Variants in MYO3A observed in about 807,000 individuals in gnomAD.
MYO3A encodes myosin IIIA.
Under a neutral mutation model 192.7 loss-of-function variants are expected in MYO3A, and 180 were observed. The ratio of observed to expected loss-of-function variants is 0.93; its 90% CI spans 0.83 to 1.06. MYO3A has a LOEUF of 1.06. Among genes scored for constraint, MYO3A ranks in the 50% least tolerant of loss-of-function variants. The pLI, the probability that MYO3A is intolerant of heterozygous loss-of-function variation, is 0.00. For synonymous variants in MYO3A, 628 were observed against 645.3 expected (o/e 0.97, Z 0.41); for missense variants, 1,896 against 1,905.0 (o/e 1.00, Z 0.09).
intron 20 of MYO3A, among the ~76,000 whole-genome samples, chr10:26,132,423 G>T (rs927710243): frequency 6.6e-6 from 1 of 152,166 alleles, no homozygotes; most frequent in African/African-American, 2.4e-5. Context: ...CTCCCTAGAA[G>T]TTTATACTTC....
intron 4 of MYO3A, among the ~76,000 whole-genome samples, chr10:25,982,791 C>T (rs1478647691): frequency 6.6e-6 from 1 of 152,156 alleles, no homozygotes; most frequent in Admixed American, 6.5e-5. Context: ...AAAATCTGAA[C>T]AGCAGCCCCT....
At chr10:26,046,281 G>A (rs777091527) in intron 10 of MYO3A, among the ~76,000 whole-genome samples, 21 of 152,162 alleles carry the variant, frequency 1.4e-4, no homozygotes, top group Non-Finnish European at 2.4e-4. Flanking sequence ...GAATTGAAAT[G>A]GGTTGGAGGA....
intron 14 of MYO3A, among the ~76,000 whole-genome samples, chr10:26,074,923 TATAAG>T (rs1021275942): frequency 3.9e-5 from 6 of 152,102 alleles, no homozygotes; most frequent in Non-Finnish European, 5.9e-5. Flanking sequence ...TTGTGTATGG[TATAAG>T]ATAAGGATCA....
chr10:25,982,208 AC>A (rs1435318916), intron 4 of MYO3A, among the ~76,000 whole-genome samples: 1 of 152,064 alleles, frequency 6.6e-6, no homozygotes, highest in African/African-American at 2.4e-5. Flanking sequence ...ACTGGGAACT[AC>A]ACCGTCATGC....
intron 5 of MYO3A, among the ~76,000 whole-genome samples, 166 bp downstream of exon 5, chr10:25,996,760 A>C (rs1840466172): frequency 6.6e-6 from 1 of 152,200 alleles, no homozygotes; most frequent in African/African-American, 2.4e-5. Context: ...CTTTTTTTCC[A>C]CTACAAATTT....
chr10:26,064,729 A>G (rs549104910), intron 10 of MYO3A, among the ~76,000 whole-genome samples: 4 of 152,220 alleles, frequency 2.6e-5, no homozygotes, highest in African/African-American at 7.2e-5. Flanking sequence ...TGGAATTTGT[A>G]TACAGATTGC....
intron 28 of MYO3A, among the ~76,000 whole-genome samples, chr10:26,170,206 A>G (rs1208358858): frequency 1.3e-5 from 2 of 152,208 alleles, no homozygotes; most frequent in Non-Finnish European, 2.9e-5. Context: ...TCTTCTTAGT[A>G]TGAAAGTTAC....
chr10:26,016,928 A>G, intron 7 of MYO3A, 32 bp downstream of exon 7: 2 of 1,589,852 alleles, frequency 1.3e-6, no homozygotes, highest in South Asian at 1.1e-5. Context: ...GACAAACGTA[A>G]TAGCTGATCC....
intron 20 of MYO3A, among the ~76,000 whole-genome samples, chr10:26,141,468 A>G (rs1295149997): frequency 1.3e-5 from 2 of 152,088 alleles, no homozygotes; most frequent in African/African-American, 2.4e-5. Context: ...ATGGGAGCCC[A>G]TTGTTTTCCA....
chr10:25,952,278 C>T lies in MYO3A; in HGVS notation c.168C>T (p.His56=), dbSNP rs201668920. The T allele has an allele frequency of 4.3e-5, 70 of 1,611,542 alleles. No homozygotes were observed. Among genetic ancestry groups the T allele is most frequent in the East Asian group, 3.8e-4 (17 of 44,684 alleles). The change falls in exon 3 of 35, where the codon CAC becomes CAT. Residue 56 remains histidine, a splice_region_variant and synonymous_variant. Transcript: ENST00000642920. ...KAAVKILDPI[H]DIDEEIEAEY... ...CAGTCAAAATTCTTGATCCAATTCA[C>T]GTAAGTCATATTTTTTCCTTCTAAT... is the stretch of plus-strand genomic sequence containing the variant.
chr10:26,178,929 G>C (rs1009453269), intron 31 of MYO3A, among the ~76,000 whole-genome samples: 2 of 151,548 alleles, frequency 1.3e-5, no homozygotes, highest in Non-Finnish European at 2.9e-5. Context: ...AGCCTCCCTA[G>C]TAGCTGGGGC....
At chr10:26,121,525 G>A (rs1223843558) in intron 18 of MYO3A, among the ~76,000 whole-genome samples, 1 of 152,120 alleles carries the variant, frequency 6.6e-6, no homozygotes, top group Non-Finnish European at 1.5e-5. Context: ...CGAAGCTGGT[G>A]GATCACCTGA....
chr10:25,971,718 T>A (rs1462574045), intron 4 of MYO3A, among the ~76,000 whole-genome samples: 1 of 152,256 alleles, frequency 6.6e-6, no homozygotes, highest in East Asian at 1.9e-4. Context: ...GTTAACATTG[T>A]TAGTTCCCTA....
intron 10 of MYO3A, among the ~76,000 whole-genome samples, chr10:26,052,135 T>G (rs957758220): frequency 6.6e-6 from 1 of 152,212 alleles, no homozygotes; most frequent in African/African-American, 2.4e-5. Context: ...ACACTGCTCT[T>G]ATAGAGATTT....
At chr10:26,123,533 G>A (rs542279316) in intron 18 of MYO3A, among the ~76,000 whole-genome samples, 9 of 152,300 alleles carry the variant, frequency 5.9e-5, no homozygotes, top group Middle Eastern at 3.4e-3. Context: ...ATGATAGTCC[G>A]TGATGTCCAT....
chr10:25,939,564 T>G (rs1461604536), intron 2 of MYO3A, among the ~76,000 whole-genome samples: 1 of 152,052 alleles, frequency 6.6e-6, no homozygotes, highest in African/African-American at 2.4e-5. Context: ...CTCTTTGACT[T>G]TTAAATTGTT....
At chr10:25,984,941 C>T (rs1328303343) in intron 4 of MYO3A, among the ~76,000 whole-genome samples, 1 of 152,082 alleles carries the variant, frequency 6.6e-6, no homozygotes, top group Admixed American at 6.6e-5. Context: ...ATCCCTACTA[C>T]ATCAAAAAGT....
intron 32 of MYO3A, among the ~76,000 whole-genome samples, chr10:26,196,616 T>C (rs1225626369): frequency 1.3e-5 from 2 of 152,156 alleles, no homozygotes; most frequent in African/African-American, 4.8e-5. Context: ...GCATTACACA[T>C]AGTGAAAAGT....
intron 26 of MYO3A, among the ~76,000 whole-genome samples, chr10:26,161,670 C>T (rs555951052): frequency 1.1e-3 from 175 of 152,204 alleles, no homozygotes; most frequent in Non-Finnish European, 1.9e-3. Context: ...ATAACAATAT[C>T]TACATTATAT....
Sources: gnomAD v4.1 joint callset for allele counts (sites outside exome capture counted in the v4.1 genomes callset) on GRCh38, gnomAD v4.1.1 for gene constraint, MANE v1.5 for transcripts, NCBI Gene and HGNC (gene_info 2026-07-23, HGNC 2026-07-21) for gene names.